Variants in FMO4 observed in about 807,000 individuals in gnomAD.
FMO4 encodes flavin containing dimethylaniline monoxygenase 4, also known as dimethylaniline monooxygenase [N-oxide-forming] 4.
FMO4 carries 38 observed loss-of-function variants against 43.3 expected under a neutral mutation model. The observed-to-expected ratio is 0.88, with a 90% CI of 0.68 to 1.15. The LOEUF is 1.15. Among genes scored for constraint, FMO4 ranks in the 50% most tolerant of loss-of-function variants. The pLI is 0.00. For synonymous variants in FMO4, 224 were observed against 232.2 expected (o/e 0.96, Z 0.32); for missense variants, 631 against 663.3 (o/e 0.95, Z 0.54).
At position 171,332,702 on chromosome 1, in the gene FMO4, T is replaced by C; in HGVS notation, c.628-7T>C. ...ATTTATCCTTCTTGCCTTACTTTAC[T>C]TTTTAGGTACTTCTCAGTACTAGAA... On this transcript the variant is annotated splice_region_variant and splice_polypyrimidine_tract_variant and intron_variant, in intron 6 of 9. Coordinates refer to ENST00000367749, the MANE Select transcript of FMO4 (RefSeq NM_002022.3). 6.2e-7 allele frequency: 1 copy of C among 1,603,324 alleles called. No homozygotes were observed. Among genetic ancestry groups the C allele is most frequent in the Non-Finnish European group, 8.5e-7 (1 of 1,172,332 alleles).
intron 1 of FMO4, among the ~76,000 whole-genome samples, 190 bp from the exon 2 acceptor site, chr1:171,315,994 CTT>C (rs953772904): frequency 7.2e-5 from 11 of 152,238 alleles, no homozygotes; most frequent in African/African-American, 2.4e-4. Context: ...AATTCTAAGA[CTT>C]TACTACTATT....
chr1:171,326,147 G>T lies in FMO4; in HGVS notation c.484+1847G>T, dbSNP rs571719583. On this transcript the variant is annotated intron_variant, in intron 5 of 9. Coordinates refer to ENST00000367749, the MANE Select transcript of FMO4 (RefSeq NM_002022.3). ...CAGAACTATGACTTTTTAAGATTCTGTTTCTGCTTTTAACTAACCACCACA... is the reference window on the plus strand; with the variant it reads ...CAGAACTATGACTTTTTAAGATTCTTTTTCTGCTTTTAACTAACCACCACA... 6.7e-3 allele frequency among the ~76,000 whole-genome samples: 1,016 copies of T among 151,952 alleles called. 14 individuals carry two copies. The highest frequency in any genetic ancestry group is 0.023 in the African/African-American group (960 of 41,434).
At chr1:171,315,472 A>G (rs1662162171) in intron 1 of FMO4, among the ~76,000 whole-genome samples, 1 of 151,908 alleles carries the variant, frequency 6.6e-6, no homozygotes, top group Non-Finnish European at 1.5e-5. Flanking sequence ...TTTCAGACAT[A>G]AGAACAGTCC....
At chr1:171,321,819 G>A (rs1662442088) in intron 3 of FMO4, among the ~76,000 whole-genome samples, 2 of 152,148 alleles carry the variant, frequency 1.3e-5, no homozygotes. Flanking sequence ...AACAGAAACA[G>A]TAAATAGGGA....
intron 2 of FMO4, 37 bp from the exon 3 acceptor site, chr1:171,319,781 T>C: frequency 1.2e-6 from 2 of 1,603,420 alleles, no homozygotes; most frequent in African/African-American, 1.3e-5. Context: ...TCCAAACTTA[T>C]TAAATAAAGA....
rs1263035771 is a variant in FMO4 at position 171,334,616 on chromosome 1, T to C, written c.1033T>C (p.Cys345Arg). Residue 345 changes from cysteine to arginine, a missense_variant, in exon 8 of 10, where the codon TGT (cysteine) becomes CGT (arginine). Transcript: ENST00000367749. ...TTTTGAAGAACCTCTTAAAAGCCTC[T>C]GTACAAAGAAGATATTTCTATACAA... ...PFFEEPLKSL[C>R]TKKIFLYKQV... is the part of the protein sequence containing the mutation. 9.9e-6 allele frequency: 16 copies of C among 1,613,282 alleles called. No individual in the cohort carries two copies. Among genetic ancestry groups the C allele is most frequent in the African/African-American group, 1.3e-5 (1 of 74,926 alleles).
intron 7 of FMO4, among the ~76,000 whole-genome samples, chr1:171,333,513 T>C (rs576258173): frequency 1.3e-5 from 2 of 152,182 alleles, no homozygotes; most frequent in South Asian, 4.1e-4. Context: ...AATGAGCCAC[T>C]CCACTCAGCC....
At chr1:171,338,614 T>C (rs893328328) in intron 9 of FMO4, among the ~76,000 whole-genome samples, 4 of 152,146 alleles carry the variant, frequency 2.6e-5, no homozygotes, top group Non-Finnish European at 4.4e-5. Context: ...ATCAGACACC[T>C]AAAAGACTCA....
At chr1:171,325,296 CTA>C (rs1220681326) in intron 5 of FMO4, among the ~76,000 whole-genome samples, 1 of 152,118 alleles carries the variant, frequency 6.6e-6, no homozygotes, top group Non-Finnish European at 1.5e-5. Flanking sequence ...AAGCCAAAAG[CTA>C]TTCAAATTCA....
At chr1:171,331,495 G>A (rs1315830043) in intron 5 of FMO4, 145 bp from the exon 6 acceptor site, 2 of 684,622 alleles carry the variant, frequency 2.9e-6, no homozygotes, top group Non-Finnish European at 4.9e-6. Context: ...GAGGTTATAT[G>A]CTTTTTCTAC....
Position 171,334,438 on chromosome 1 carries a change from T to C in FMO4, c.855T>C (p.Asp285=). ...AAAAAGCAAAATTCATTGTGAATGA[T>C]GAGCTGCCAAACTGTATCCTCTGTG... is the stretch of plus-strand genomic sequence containing the variant. ...KGKKAKFIVN[D]ELPNCILCGA... is the part of the protein sequence containing the mutation. The change falls in exon 8 of 10, where the codon GAT becomes GAC. Residue 285 remains aspartate, a synonymous_variant. Transcript: ENST00000367749. 2.5e-6 allele frequency: 4 copies of C among 1,583,924 alleles called. No individual in the cohort carries two copies. The highest frequency in any genetic ancestry group is 3.4e-6 in the Non-Finnish European group (4 of 1,167,722).
chr1:171,329,538 G>T lies in FMO4; in HGVS notation c.485-2102G>T, dbSNP rs116599567. 4.0e-3 allele frequency among the ~76,000 whole-genome samples: 615 copies of T among 152,318 alleles called. 4 individuals carry two copies. Among genetic ancestry groups the T allele is most frequent in the African/African-American group, 0.014 (562 of 41,566 alleles). On this transcript the variant is annotated intron_variant, in intron 5 of 9. Transcript: ENST00000367749. ...AGATCTTGTATTGTCAACAGTGGGA[G>T]AAATGCTGCCAGTGCAGCCACCATC...
chr1:171,339,033 G>T (rs1663242107), intron 9 of FMO4, among the ~76,000 whole-genome samples: 1 of 152,244 alleles, frequency 6.6e-6, no homozygotes, highest in African/African-American at 2.4e-5. Context: ...TTACTGACAG[G>T]AATAAGTAAA....
intron 1 of FMO4, 130 bp downstream of exon 1, chr1:171,314,543 A>G (rs1662120604): frequency 6.6e-6 from 1 of 152,130 alleles, no homozygotes; most frequent in African/African-American, 2.4e-5. Context: ...TCTCTTGACT[A>G]GGGCTAAAGC....
At chr1:171,321,696 T>G (rs1278833443) in intron 3 of FMO4, among the ~76,000 whole-genome samples, 2 of 152,078 alleles carry the variant, frequency 1.3e-5, no homozygotes, top group Non-Finnish European at 2.9e-5. Flanking sequence ...TTCAAAAATG[T>G]TATCATAATA....
intron 6 of FMO4, 119 bp downstream of exon 6, chr1:171,331,901 T>TA: frequency 1.3e-6 from 1 of 771,120 alleles, no homozygotes; most frequent in South Asian, 2.1e-5. Flanking sequence ...ACACAGTAAG[T>TA]GGGAAAAAAA....
Position 171,341,787 on chromosome 1 carries a change from A to T in FMO4, c.1625A>T (p.Asp542Val). The T allele has an allele frequency of 6.2e-7, 1 of 1,613,898 alleles. No individual in the cohort carries two copies. Among genetic ancestry groups the T allele is most frequent in the Non-Finnish European group, 8.5e-7 (1 of 1,179,932 alleles). The change falls in exon 10 of 10, where the codon GAT becomes GTT. Residue 542 changes from aspartate (D) to valine (V), a missense_variant. Transcript: ENST00000367749. ...KSSLFLKLVR[D>V]KLQDRMSPYL... Reference sequence around the variant, plus strand: ...TCACTTTTCTTGAAATTGGTGAGAGATAAACTACAGGACAGAATGTCCCCT... The same window carrying T: ...TCACTTTTCTTGAAATTGGTGAGAGTTAAACTACAGGACAGAATGTCCCCT...
rs1352236197 is a variant in FMO4, at chr1:171,332,780, G to C, written c.699G>C (p.Met233Ile). Residue 233 changes from methionine to isoleucine, a missense_variant, in exon 7 of 10, where the codon ATG (methionine) becomes ATC (isoleucine). By Grantham distance (10) the Met-to-Ile change is conservative. Transcript: ENST00000367749. ...CAGATTGGGGCTATCCTTATAATATGATGGTTACAAGAAGATGCTGTAGTT... is the reference window on the plus strand; with the variant it reads ...CAGATTGGGGCTATCCTTATAATATCATGGTTACAAGAAGATGCTGTAGTT... ...RSSDWGYPYN[M>I]MVTRRCCSFI... The C allele has an allele frequency of 1.9e-6, 3 of 1,612,670 alleles. No homozygotes were observed. The highest frequency in any genetic ancestry group is 3.3e-5 in the Admixed American group (2 of 59,972).
chr1:171,332,116 C>G (rs1662925886), intron 6 of FMO4, among the ~76,000 whole-genome samples: 1 of 152,076 alleles, frequency 6.6e-6, no homozygotes, highest in African/African-American at 2.4e-5. Flanking sequence ...CTTTTTTTTA[C>G]ACCCTCCCTT....
Sources: allele counts gnomAD v4.1 joint callset (sites outside exome capture counted in the v4.1 genomes callset), GRCh38; gene constraint gnomAD v4.1.1; transcripts MANE v1.5; gene names NCBI Gene and HGNC (gene_info 2026-07-23, HGNC 2026-07-21).